Variants in DIAPH3 observed in about 807,000 individuals in gnomAD.
DIAPH3 encodes protein diaphanous homolog 3.
Under a neutral mutation model 144.3 loss-of-function variants are expected in DIAPH3, and 117 were observed. That is an observed-to-expected ratio of 0.81 (90% CI 0.70 to 0.95). The LOEUF (loss-of-function observed/expected upper bound fraction) is 0.95, where lower values mean the gene tolerates loss of function less well. Ranked by LOEUF, DIAPH3 falls within the 40% of genes least tolerant of loss-of-function variation. The pLI is 0.00. For missense variants in DIAPH3, 1,421 were observed against 1,412.7 expected (o/e 1.01, Z -0.09); for synonymous variants, 519 against 488.9 (o/e 1.06, Z -0.81).
At chr13:60,015,862 CATATA>C (rs745616407) in intron 7 of DIAPH3, 46 bp downstream of exon 7, 7 of 1,487,620 alleles carry the variant, frequency 4.7e-6, no homozygotes, top group Non-Finnish European at 6.5e-6. Context: ...AACTGAAAAT[CATATA>C]TTACAAAATT....
rs1355907689 is a variant in DIAPH3, at chr13:59,911,486, A to C, written c.2367+249T>G. On this transcript the variant is annotated intron_variant, in intron 20 of 27. Coordinates refer to ENST00000400324, the MANE Select transcript of DIAPH3 (RefSeq NM_001042517.2). ...GTTTTTACTTTACATTTTAACATTA[A>C]ATAGAGAGCAAAAAAATTATACATA... Among the ~76,000 whole-genome samples, 3 of 152,320 alleles carry C rather than the reference A, an allele frequency of 2.0e-5. No homozygotes were observed. In the East Asian group the frequency reaches 5.8e-4, roughly 29 times the overall value.
In DIAPH3 at chr13:59,930,896, A is replaced by C. The variant is rs540113557; in HGVS notation, c.2075-6026T>G. Among the ~76,000 whole-genome samples, 11 of 152,248 alleles carry C rather than the reference A, an allele frequency of 7.2e-5. No individual in the cohort carries two copies. The South Asian group carries it at 2.1e-3, about 29-fold the overall frequency. On this transcript the variant is annotated intron_variant, in intron 17 of 27. Transcript: ENST00000400324. ...GGAAGGAGAGTGTGGATGAGTTCCA[A>C]AAGTTGATTCTGTAGTGGGAAATAG... is the stretch of plus-strand genomic sequence containing the variant.
At chr13:59,719,740 T>C (rs1356841952) in intron 27 of DIAPH3, among the ~76,000 whole-genome samples, 1 of 152,114 alleles carries the variant, frequency 6.6e-6, no homozygotes, top group Non-Finnish European at 1.5e-5. Context: ...AAATGACAGA[T>C]GGCACTCTAG....
intron 27 of DIAPH3, among the ~76,000 whole-genome samples, chr13:59,713,484 T>C (rs2034862542): frequency 6.6e-6 from 1 of 152,208 alleles, no homozygotes; most frequent in South Asian, 2.1e-4. Context: ...GCAGGCACCG[T>C]GCAGAGTGAT....
At chr13:59,836,540 A>G (rs1208634243) in intron 23 of DIAPH3, among the ~76,000 whole-genome samples, 1 of 151,830 alleles carries the variant, frequency 6.6e-6, no homozygotes, top group Admixed American at 6.6e-5. Context: ...CAATTTTTTA[A>G]TATTAAGCAG....
chr13:60,031,638 G>A (rs2054801046), intron 5 of DIAPH3, among the ~76,000 whole-genome samples: 1 of 148,818 alleles, frequency 6.7e-6, no homozygotes, highest in Admixed American at 6.7e-5. Context: ...CAGATATTAG[G>A]TAAACATTCC....
intron 2 of DIAPH3, among the ~76,000 whole-genome samples, chr13:60,115,730 CTA>C (rs1167712885): frequency 6.6e-6 from 1 of 151,896 alleles, no homozygotes; most frequent in Non-Finnish European, 1.5e-5. Context: ...AGAAAACAGA[CTA>C]TTATTTAAAT....
chr13:60,021,666 C>CAAA (rs55896515), intron 5 of DIAPH3, among the ~76,000 whole-genome samples: 3,355 of 81,296 alleles, frequency 0.041, 53 homozygotes, highest in African/African-American at 0.048. Flanking sequence ...GGCTCTGTCT[C>CAAA]AAAAAAAAAA....
chr13:59,991,958 T>A (rs371612148), intron 11 of DIAPH3, 110 bp downstream of exon 11: 1 of 867,572 alleles, frequency 1.2e-6, no homozygotes. Flanking sequence ...GCATGAAGGT[T>A]TGATTTCATG....
intron 4 of DIAPH3, among the ~76,000 whole-genome samples, chr13:60,061,071 AG>A (rs1285977043): frequency 6.6e-6 from 1 of 152,076 alleles, no homozygotes; most frequent in Non-Finnish European, 1.5e-5. Context: ...TGGGAGCAGA[AG>A]GGAAGATGTC....
chr13:59,732,449 CTT>C (rs541240375), intron 27 of DIAPH3, among the ~76,000 whole-genome samples: 2 of 144,144 alleles, frequency 1.4e-5, no homozygotes, highest in Non-Finnish European at 1.5e-5. Flanking sequence ...ATTTTTGGTA[CTT>C]TTTTTTTTTG....
rs150148743 is a variant in DIAPH3, at chr13:59,966,955, T to C, written c.2074+2989A>G. Among the ~76,000 whole-genome samples the C allele has an allele frequency of 3.2e-4, 48 of 152,332 alleles. No individual in the cohort carries two copies. In the East Asian group the frequency reaches 8.5e-3, roughly 27 times the overall value. On this transcript the variant is annotated intron_variant, in intron 17 of 27. Transcript: ENST00000400324. ...GCCAGCAGCCAATGCCTCTACCTCC[T>C]GCACTGGCTTGCGAAAGGGTGGAAA...
chr13:59,818,975 G>C (rs1353283775), intron 24 of DIAPH3, among the ~76,000 whole-genome samples: 1 of 150,544 alleles, frequency 6.6e-6, no homozygotes, highest in Non-Finnish European at 1.5e-5. Context: ...TTCATATATT[G>C]TTACTAAATA....
At chr13:59,746,816 C>T (rs1051914627) in intron 27 of DIAPH3, among the ~76,000 whole-genome samples, 5 of 152,084 alleles carry the variant, frequency 3.3e-5, no homozygotes, top group African/African-American at 9.7e-5. Flanking sequence ...CCACTGACAG[C>T]GTATTTCTCA....
At chr13:60,117,633 T>A (rs1347066225) in intron 2 of DIAPH3, among the ~76,000 whole-genome samples, 1 of 152,104 alleles carries the variant, frequency 6.6e-6, no homozygotes. Context: ...AGAAGTTTCA[T>A]TTTTTAAAAG....
chr13:59,946,733 T>C (rs2048816782), intron 17 of DIAPH3, among the ~76,000 whole-genome samples: 1 of 152,198 alleles, frequency 6.6e-6, no homozygotes, highest in Non-Finnish European at 1.5e-5. Flanking sequence ...AAAGTTATTC[T>C]TCTAAAAATG....
chr13:60,036,361 T>C (rs1027899772), intron 5 of DIAPH3, among the ~76,000 whole-genome samples: 6 of 152,114 alleles, frequency 3.9e-5, no homozygotes, highest in Non-Finnish European at 7.4e-5. Flanking sequence ...TATATATATA[T>C]ATTGTCCAAA....
At chr13:59,986,644 C>T (rs938690389) in intron 12 of DIAPH3, among the ~76,000 whole-genome samples, 1 of 124,164 alleles carries the variant, frequency 8.1e-6, no homozygotes, top group African/African-American at 3.1e-5. Flanking sequence ...AACAAACAAC[C>T]CCATCAAAAA....
chr13:59,988,673 T>C (rs1464014204), intron 12 of DIAPH3, among the ~76,000 whole-genome samples: 1 of 151,914 alleles, frequency 6.6e-6, no homozygotes, highest in Non-Finnish European at 1.5e-5. Flanking sequence ...AATTAAGGGA[T>C]GAACATTAAG....
Sources: allele counts gnomAD v4.1 joint callset (sites outside exome capture counted in the v4.1 genomes callset), GRCh38; gene constraint gnomAD v4.1.1; transcripts MANE v1.5; gene names NCBI Gene and HGNC (gene_info 2026-07-23, HGNC 2026-07-21).